PDE3B: variants seen among roughly 807,000 people sequenced by gnomAD.
PDE3B encodes the protein phosphodiesterase 3B, also known as cGMP-inhibited 3',5'-cyclic phosphodiesterase 3B.
Under a neutral mutation model 116.8 loss-of-function variants are expected in PDE3B, and 66 were observed. The ratio of observed to expected loss-of-function variants is 0.56; its 90% CI spans 0.46 to 0.69. The LOEUF is 0.69. PDE3B is among the 30% of genes least tolerant of loss of function. The pLI, the probability that PDE3B is intolerant of heterozygous loss-of-function variation, is 0.00. For missense variants in PDE3B, 1,384 were observed against 1,368.1 expected (o/e 1.01, Z -0.18); for synonymous variants, 595 against 533.6 (o/e 1.12, Z -1.59).
intron 11 of PDE3B, among the ~76,000 whole-genome samples, chr11:14,843,321 A>T (rs1486201108): frequency 6.6e-6 from 1 of 152,316 alleles, no homozygotes; most frequent in Non-Finnish European, 1.5e-5. Context: ...CAAAAGGGAG[A>T]TAAGGAGTTG....
At chr11:14,802,248 G>GT (rs1858796726) in intron 4 of PDE3B, among the ~76,000 whole-genome samples, 1 of 152,308 alleles carries the variant, frequency 6.6e-6, no homozygotes, top group South Asian at 2.1e-4. Flanking sequence ...TGGCCGCCCA[G>GT]TTTTTTGCTT....
intron 14 of PDE3B, among the ~76,000 whole-genome samples, chr11:14,867,252 A>C (rs1010303470): frequency 6.6e-6 from 1 of 152,224 alleles, no homozygotes; most frequent in East Asian, 1.9e-4. Context: ...ACTTATTTTA[A>C]TAGATCTGTA....
At chr11:14,689,865 T>G (rs1276069083) in intron 1 of PDE3B, among the ~76,000 whole-genome samples, 1 of 152,184 alleles carries the variant, frequency 6.6e-6, no homozygotes, top group Non-Finnish European at 1.5e-5. Context: ...AGTAAGGCAT[T>G]TCAATATTGC....
At chr11:14,842,569 A>G (rs375892935) in intron 11 of PDE3B, among the ~76,000 whole-genome samples, 89 of 152,266 alleles carry the variant, frequency 5.8e-4, no homozygotes, top group African/African-American at 2.0e-3. Flanking sequence ...TTTGCTTTTT[A>G]TAATTATTTA....
chr11:14,890,986 T>A, the PDE3B span: 3 of 985,446 alleles, frequency 3.0e-6, no homozygotes, highest in Non-Finnish European at 3.6e-6. Context: ...ATTAGTTTTC[T>A]CTCTCCCACT....
chr11:14,644,801 C>G lies in PDE3B; in HGVS notation c.726C>G (p.Ser242=), dbSNP rs1054556952. 2 of 1,611,008 alleles carry G rather than the reference C, an allele frequency of 1.2e-6. No homozygotes were observed. Among genetic ancestry groups the G allele is most frequent in the Non-Finnish European group, 1.7e-6 (2 of 1,178,472 alleles). Residue 242 remains serine (S), a synonymous_variant, in exon 1 of 16, where the codon TCC becomes TCG. Transcript: ENST00000282096. ...VSFTSLGSLP[S]ALRPLLSGLV... is the part of the protein sequence containing the mutation. ...TCACCAGCCTCGGGTCGCTGCCCTC[C>G]GCCCTCAGGCCGCTGCTCTCCGGCC...
chr11:14,839,248 C>T (rs1001079784), intron 11 of PDE3B, among the ~76,000 whole-genome samples: 2 of 152,148 alleles, frequency 1.3e-5, no homozygotes, highest in African/African-American at 2.4e-5. Context: ...TCATCAATTC[C>T]TTGATCTTTG....
At chr11:14,806,858 CAAAAAAAA>C (rs953411145) in intron 5 of PDE3B, among the ~76,000 whole-genome samples, 1 of 45,930 alleles carries the variant, frequency 2.2e-5, no homozygotes, top group Non-Finnish European at 4.0e-5. Context: ...GACTCCGTCT[CAAAAAAAA>C]AAAAAAAAAA....
At chr11:14,893,289 G>A in the PDE3B span, among the ~76,000 whole-genome samples, 2 of 152,178 alleles carry the variant, frequency 1.3e-5, no homozygotes, top group Non-Finnish European at 2.9e-5. Flanking sequence ...CAAAAAGTGC[G>A]TTATAGAAAA....
At position 14,778,902 on chromosome 11, in the gene PDE3B, C is replaced by T. The variant is rs150442481; in HGVS notation, c.1029+6915C>T. ...GCTGAAGGAGAATGTTCGAACCCAT[C>T]GCAAAGAAGCCAAAAACCTTGAAAA... is the stretch of plus-strand genomic sequence containing the variant. On this transcript the variant is annotated intron_variant, in intron 2 of 15. Transcript: ENST00000282096. Among the ~76,000 whole-genome samples the T allele has an allele frequency of 3.7e-3, 558 of 152,156 alleles. 5 individuals carry two copies. The highest frequency in any genetic ancestry group is 0.011 in the African/African-American group (467 of 41,526).
At chr11:14,725,309 C>CTCTTTCTTTCTTTCTT (rs10534250) in intron 1 of PDE3B, among the ~76,000 whole-genome samples, 12 of 147,312 alleles carry the variant, frequency 8.1e-5, no homozygotes, top group African/African-American at 2.0e-4. Flanking sequence ...TTCTTTCTTT[C>CTCTTTCTTTCTTTCTT]TCTTTCTTTC....
intron 1 of PDE3B, among the ~76,000 whole-genome samples, chr11:14,716,068 G>A (rs942711919): frequency 3.9e-5 from 6 of 152,104 alleles, no homozygotes; most frequent in East Asian, 1.9e-4. Flanking sequence ...TGTGCGCACC[G>A]TGCGCGAGCC....
At chr11:14,827,746 CA>C (rs1859743900) in intron 7 of PDE3B, among the ~76,000 whole-genome samples, 1 of 152,092 alleles carries the variant, frequency 6.6e-6, no homozygotes, top group Admixed American at 6.6e-5. Context: ...CTGCCCAAGG[CA>C]ATTTATAGAT....
At chr11:14,664,124 G>T (rs576271503) in intron 1 of PDE3B, among the ~76,000 whole-genome samples, 1 of 152,046 alleles carries the variant, frequency 6.6e-6, no homozygotes, top group African/African-American at 2.4e-5. Context: ...ACTCAAAACC[G>T]CTCAACTATA....
Position 14,818,324 on chromosome 11 carries a change from T to C in PDE3B, c.1664T>C (p.Leu555Pro). 1 of 1,613,662 alleles carries C rather than the reference T, an allele frequency of 6.2e-7. No homozygotes were observed. ...CCAAGCGTTATCTTGCAGAGATCTC[T>C]GGGCAATGCACCTAATACTCCAGAT... ...NKPSVILQRS[L>P]GNAPNTPDFY... is the part of the protein sequence containing the mutation. The change falls in exon 6 of 16, where the codon CTG (leucine) becomes CCG (proline). Residue 555 changes from leucine (L) to proline (P), a missense_variant. This residue lies in a region of PDE3B where 956 missense variants were observed against 806.8 expected (regional missense o/e 1.18). Coordinates refer to ENST00000282096, the MANE Select transcript of PDE3B (RefSeq NM_000922.4).
intron 2 of PDE3B, among the ~76,000 whole-genome samples, chr11:14,782,263 A>G (rs1858031069): frequency 6.6e-6 from 1 of 152,240 alleles, no homozygotes; most frequent in African/African-American, 2.4e-5. Context: ...AAACTACTTG[A>G]AAGTTCATGT....
intron 1 of PDE3B, among the ~76,000 whole-genome samples, chr11:14,731,766 T>G (rs1170274515): frequency 6.6e-6 from 1 of 152,192 alleles, no homozygotes; most frequent in Non-Finnish European, 1.5e-5. Flanking sequence ...TTTCACTTAT[T>G]TATTCAGAAA....
At chr11:14,879,270 A>T in the PDE3B span, 13 of 1,613,340 alleles carry the variant, frequency 8.1e-6, no homozygotes, top group Non-Finnish European at 1.0e-5. Context: ...GGAATGGAAT[A>T]ACCACGTACA....
At chr11:14,822,390 A>T (rs1438458135) in intron 7 of PDE3B, among the ~76,000 whole-genome samples, 1 of 152,254 alleles carries the variant, frequency 6.6e-6, no homozygotes, top group African/African-American at 2.4e-5. Context: ...CAGCACCTTC[A>T]ACTGAAACAT....
Sources: gnomAD v4.1 joint callset for allele counts (sites outside exome capture counted in the v4.1 genomes callset) on GRCh38, gnomAD v4.1.1 for gene constraint, gnomAD v4.1.1 regional missense constraint, MANE v1.5 for transcripts, NCBI Gene and HGNC (gene_info 2026-07-23, HGNC 2026-07-21) for gene names.